The following NEK5 variants were observed in gnomAD, a reference collection of about 807,000 sequenced individuals.
NEK5 encodes the protein serine/threonine-protein kinase Nek5.
NEK5 carries 88 observed loss-of-function variants against 109.2 expected under a neutral mutation model. The ratio of observed to expected loss-of-function variants is 0.81; its 90% CI spans 0.68 to 0.96. The LOEUF is 0.96. Among genes scored for constraint, NEK5 ranks in the 40% least tolerant of loss-of-function variants. NEK5 has a pLI of 0.00. For synonymous variants in NEK5, 283 were observed against 299.9 expected, an observed-to-expected ratio of 0.94 and a Z score of 0.58; for missense variants, 834 against 920.7, an observed-to-expected ratio of 0.91 and a Z score of 1.22.
At chr13:52,072,682 G>A (rs947655637) in intron 19 of NEK5, among the ~76,000 whole-genome samples, 1 of 152,162 alleles carries the variant, frequency 6.6e-6, no homozygotes, top group African/African-American at 2.4e-5. Flanking sequence ...ATTTATGGTT[G>A]AACAGAGGTG....
chr13:52,089,823 T>TA (rs1438221009), intron 13 of NEK5, among the ~76,000 whole-genome samples: 3 of 151,568 alleles, frequency 2.0e-5, no homozygotes, highest in African/African-American at 4.9e-5. Context: ...CCGTCTCTGC[T>TA]AAAAAAAATT....
chr13:52,121,292 G>A (rs1285033912), intron 3 of NEK5, among the ~76,000 whole-genome samples: 3 of 151,678 alleles, frequency 2.0e-5, no homozygotes, highest in East Asian at 3.9e-4. Context: ...CTGAGTAGCT[G>A]AGACCACAGG....
At chr13:52,110,969 G>T (rs1332605146) in intron 5 of NEK5, among the ~76,000 whole-genome samples, 1 of 152,128 alleles carries the variant, frequency 6.6e-6, no homozygotes, top group Non-Finnish European at 1.5e-5. Context: ...GGAAGCCATT[G>T]GTTCTTCCTT....
intron 13 of NEK5, 109 bp downstream of exon 13, chr13:52,092,945 T>C: frequency 1.3e-6 from 1 of 744,846 alleles, no homozygotes. Flanking sequence ...ATTTGGAAAG[T>C]TCTTCTTGGA....
At chr13:52,081,450 T>C (rs1049741986) in intron 17 of NEK5, among the ~76,000 whole-genome samples, 3 of 152,072 alleles carry the variant, frequency 2.0e-5, no homozygotes, top group East Asian at 1.9e-4. Context: ...GCCTCCTAAA[T>C]AGCTGGAACT....
At chr13:52,122,733 C>T (rs902130114) in intron 3 of NEK5, among the ~76,000 whole-genome samples, 2 of 151,960 alleles carry the variant, frequency 1.3e-5, no homozygotes, top group African/African-American at 4.8e-5. Flanking sequence ...CGCCACTGCA[C>T]TCCAGCCTGG....
chr13:52,110,722 G>C, intron 5 of NEK5, 145 bp from the exon 6 acceptor site: 1 of 509,228 alleles, frequency 2.0e-6, no homozygotes, highest in Non-Finnish European at 3.4e-6. Context: ...TAGGAATGAA[G>C]TTAATAGGTA....
At chr13:52,061,525 T>G (rs1954614476) in intron 22 of NEK5, among the ~76,000 whole-genome samples, 1 of 152,172 alleles carries the variant, frequency 6.6e-6, no homozygotes, top group East Asian at 1.9e-4. Context: ...CTGACTCAGG[T>G]AGAGCAAAAC....
intron 17 of NEK5, among the ~76,000 whole-genome samples, chr13:52,078,647 G>A (rs1274331173): frequency 1.3e-5 from 2 of 151,564 alleles, no homozygotes; most frequent in Non-Finnish European, 2.9e-5. Flanking sequence ...CAGTACATTG[G>A]AGTAGTGAGC....
At chr13:52,064,930 C>G (rs981818875) in intron 21 of NEK5, 5 of 267,316 alleles carry the variant, frequency 1.9e-5, no homozygotes, top group Non-Finnish European at 3.5e-5. Flanking sequence ...GCAGCATGCT[C>G]GTTAAGAATC....
At chr13:52,081,734 A>T (rs1955017391) in intron 17 of NEK5, among the ~76,000 whole-genome samples, 1 of 152,198 alleles carries the variant, frequency 6.6e-6, no homozygotes, top group African/African-American at 2.4e-5. Flanking sequence ...TTATTCACCC[A>T]ATTCCTGATA....
intron 12 of NEK5, among the ~76,000 whole-genome samples, chr13:52,094,230 A>C (rs749064746): frequency 5.9e-5 from 9 of 152,230 alleles, no homozygotes; most frequent in Non-Finnish European, 1.2e-4. Context: ...AAGCCAGTCA[A>C]GACCTTCTTG....
In NEK5 at chr13:52,034,144, A is replaced by G. The variant is rs1375597590; in HGVS notation, c.*2804T>C. The G allele has an allele frequency of 6.6e-6, 1 of 151,868 alleles. No homozygotes were observed. Among genetic ancestry groups the G allele is most frequent in the Non-Finnish European group, 1.5e-5 (1 of 68,042 alleles). 9.4% of individuals were successfully genotyped at this position (151,868 alleles called of 1,614,324 possible). On this transcript the variant is annotated 3_prime_UTR_variant, in exon 24 of 24. Transcript: ENST00000684899. ...TTACAGAATGATCAATTTGATAGCTATCATACATGGCTAGCAAGACACTGA... is the reference window on the plus strand; with the variant it reads ...TTACAGAATGATCAATTTGATAGCTGTCATACATGGCTAGCAAGACACTGA...
chr13:52,108,508 A>G, intron 7 of NEK5, 104 bp from the exon 8 acceptor site: 4 of 664,522 alleles, frequency 6.0e-6, no homozygotes, highest in Non-Finnish European at 2.6e-6. Context: ...GGATAACACA[A>G]GATTTGATGC....
At chr13:52,080,517 A>G (rs1205784079) in intron 17 of NEK5, among the ~76,000 whole-genome samples, 1 of 152,330 alleles carries the variant, frequency 6.6e-6, no homozygotes, top group Non-Finnish European at 1.5e-5. Flanking sequence ...AGAGGTAGAC[A>G]TGGGAGACTT....
At chr13:52,112,429 T>C in intron 4 of NEK5, 64 bp from the exon 5 acceptor site, 2 of 1,098,240 alleles carry the variant, frequency 1.8e-6, no homozygotes, top group African/African-American at 1.5e-5. Context: ...ATGTTCTGGC[T>C]GTGGAATCAA....
chr13:52,128,506 C>T (rs776441070), intron 1 of NEK5, among the ~76,000 whole-genome samples: 6 of 152,246 alleles, frequency 3.9e-5, no homozygotes, highest in Non-Finnish European at 8.8e-5. Context: ...GGGCATAATA[C>T]AGTTTTGTTG....
At chr13:52,083,442 C>A in intron 16 of NEK5, 90 bp from the exon 17 acceptor site, 2 of 755,448 alleles carry the variant, frequency 2.6e-6, no homozygotes, top group Middle Eastern at 2.3e-4. Flanking sequence ...GATGAAATGG[C>A]TGGACAGAAC....
intron 1 of NEK5, chr13:52,128,793 G>T (rs1015697205): frequency 1.3e-5 from 2 of 152,294 alleles, no homozygotes; most frequent in Non-Finnish European, 2.9e-5. Flanking sequence ...GCCCCTGGAA[G>T]CGGCCGCGGG....
Sources: allele counts gnomAD v4.1 joint callset (sites outside exome capture counted in the v4.1 genomes callset), GRCh38; gene constraint gnomAD v4.1.1; transcripts MANE v1.5; gene names NCBI Gene and HGNC (gene_info 2026-07-23, HGNC 2026-07-21).